PIK3C2G: variants seen among roughly 807,000 people sequenced by gnomAD.
The protein encoded by PIK3C2G is phosphatidylinositol-4-phosphate 3-kinase catalytic subunit type 2 gamma.
A neutral mutation model predicts 181.1 loss-of-function variants in PIK3C2G; 168 were observed. The observed-to-expected ratio is 0.93, with a 90% CI of 0.82 to 1.05. The LOEUF (loss-of-function observed/expected upper bound fraction) is 1.05. PIK3C2G is among the 50% of genes least tolerant of loss of function. PIK3C2G has a pLI of 0.00. For synonymous variants in PIK3C2G, 573 were observed against 592.2 expected (o/e 0.97, Z 0.47); for missense variants, 1,869 against 1,732.8 (o/e 1.08, Z -1.40).
In PIK3C2G at chr12:18,538,249, T is replaced by TTGCTGTCG. The variant is rs748050586; in HGVS notation, c.3422_3429dup (p.Tyr1144ValfsTer15). On this transcript the variant is annotated frameshift_variant, in exon 25 of 33. Transcript: ENST00000538779. LOFTEE classifies it high-confidence loss of function. ...AGCATTTTCAAGATTTTGTGGAACT[T>TTGCTGTCG]TGCTGTCGTGCTTATAATATTATCA... 152 of 1,612,460 alleles carry TTGCTGTCG rather than the reference T, an allele frequency of 9.4e-5. No homozygotes were observed. The East Asian group carries it at 3.2e-3, about 34-fold the overall frequency.
At chr12:18,276,586 T>C (rs1377396039) in intron 1 of PIK3C2G, among the ~76,000 whole-genome samples, 1 of 152,212 alleles carries the variant, frequency 6.6e-6, no homozygotes, top group Non-Finnish European at 1.5e-5. Flanking sequence ...CAAAATAAGC[T>C]TAATAATATT....
the PIK3C2G span, chr12:18,723,462 T>A: frequency 1.2e-6 from 2 of 1,612,972 alleles, no homozygotes; most frequent in Admixed American, 1.7e-5. Flanking sequence ...TCTCAATAAT[T>A]TCTTCTCTGT....
chr12:18,620,810 T>C (rs532426729), intron 31 of PIK3C2G, among the ~76,000 whole-genome samples: 28 of 152,262 alleles, frequency 1.8e-4, no homozygotes, highest in African/African-American at 6.0e-4. Flanking sequence ...CTCTTAATCC[T>C]GGTTATTTAA....
rs375058704 is a variant in PIK3C2G at position 18,500,081 on chromosome 12, T to C, written c.3016+2333T>C. Among the ~76,000 whole-genome samples the C allele has an allele frequency of 6.6e-5, 10 of 152,318 alleles. No homozygotes were observed. The East Asian group carries it at 1.6e-3, about 24-fold the overall frequency. ...AGCCCTTCAGCCGGCCGCTGCTGTG[T>C]GGGAGCCCCTTTCTGGGCTGGCCAA... On this transcript the variant is annotated intron_variant, in intron 22 of 32. Transcript: ENST00000538779.
At chr12:18,280,999 T>C (rs1037009290) in intron 1 of PIK3C2G, among the ~76,000 whole-genome samples, 2 of 151,872 alleles carry the variant, frequency 1.3e-5, no homozygotes, top group African/African-American at 2.4e-5. Context: ...GCGTGAATAA[T>C]TGGGTCATTT....
intron 18 of PIK3C2G, chr12:18,424,771 T>C (rs1945696603): frequency 4.8e-6 from 1 of 209,306 alleles, no homozygotes; most frequent in African/African-American, 2.3e-5. Context: ...AGGACCTGGA[T>C]TAGCTTGTGA....
In PIK3C2G at chr12:18,381,977, C is replaced by A. The variant is rs924472644; in HGVS notation, c.1995+97C>A. ...AGAAACAATTTCTTCCAGGATCACA[C>A]ATTTTAATAGCCTTCTCTGCCTCCA... On this transcript the variant is annotated intron_variant, in intron 14 of 32. Coordinates refer to ENST00000538779, the MANE Select transcript of PIK3C2G (RefSeq NM_001288772.2). The A allele has an allele frequency of 7.8e-6, 6 of 773,338 alleles. No individual in the cohort carries two copies. In the African/African-American group the frequency reaches 8.5e-5, roughly 11 times the overall value. The allele number at this position is 773,338 out of a possible 1,614,324, so 47.9% of individuals were successfully genotyped here.
chr12:18,633,593 G>T (rs1949454232), intron 31 of PIK3C2G, among the ~76,000 whole-genome samples: 2 of 152,152 alleles, frequency 1.3e-5, no homozygotes, highest in South Asian at 4.1e-4. Context: ...GCAGGGCATG[G>T]TAATACTAAG....
intron 18 of PIK3C2G, among the ~76,000 whole-genome samples, chr12:18,466,013 G>A (rs904083611): frequency 2.7e-5 from 4 of 150,258 alleles, no homozygotes; most frequent in African/African-American, 9.8e-5. Flanking sequence ...TTTTATTCCT[G>A]TTCTCTCCTC....
At chr12:18,418,680 T>G (rs1377518224) in intron 16 of PIK3C2G, among the ~76,000 whole-genome samples, 1 of 151,820 alleles carries the variant, frequency 6.6e-6, no homozygotes, top group Non-Finnish European at 1.5e-5. Context: ...GATAGAAAAA[T>G]CAACAGAACT....
chr12:18,261,933 T>A (rs893750084), intron 1 of PIK3C2G, among the ~76,000 whole-genome samples: 1 of 152,132 alleles, frequency 6.6e-6, no homozygotes, highest in African/African-American at 2.4e-5. Flanking sequence ...TTCATTCATG[T>A]CTACTGGTAG....
chr12:18,632,763 C>T (rs188955701), intron 31 of PIK3C2G, among the ~76,000 whole-genome samples: 1 of 152,278 alleles, frequency 6.6e-6, no homozygotes, highest in Admixed American at 6.5e-5. Context: ...CTTTTTCTCA[C>T]TTTTTTATTC....
chr12:18,679,279 G>A, the PIK3C2G span, among the ~76,000 whole-genome samples: 1 of 151,906 alleles, frequency 6.6e-6, no homozygotes. Flanking sequence ...TCAAAAGGCA[G>A]AAGTTCTTTT....
intron 5 of PIK3C2G, among the ~76,000 whole-genome samples, chr12:18,310,181 T>TTTGAC (rs1950581676): frequency 6.6e-6 from 1 of 151,890 alleles, no homozygotes; most frequent in African/African-American, 2.4e-5. Flanking sequence ...CAAGTTTTTC[T>TTTGAC]TTGACTCTAA....
chr12:18,547,434 A>G (rs1207534784), intron 26 of PIK3C2G, among the ~76,000 whole-genome samples: 2 of 151,992 alleles, frequency 1.3e-5, no homozygotes, highest in Non-Finnish European at 2.9e-5. Context: ...TGACAGAATC[A>G]CAAAATATTA....
chr12:18,700,817 C>T, the PIK3C2G span, among the ~76,000 whole-genome samples: 1 of 152,212 alleles, frequency 6.6e-6, no homozygotes, highest in Non-Finnish European at 1.5e-5. Context: ...AATATACTTT[C>T]TTTCATCATG....
In PIK3C2G at chr12:18,546,897, G is replaced by C. The variant is rs895206891; in HGVS notation, c.3590+465G>C. ...TATTAAACAAGTCCAGCAAAACACT[G>C]ATGTATATCAAGGTAAGAATCTGGG... On this transcript the variant is annotated intron_variant, in intron 26 of 32. Coordinates refer to ENST00000538779, the MANE Select transcript of PIK3C2G (RefSeq NM_001288772.2). Among the ~76,000 whole-genome samples the C allele has an allele frequency of 3.3e-5, 5 of 151,984 alleles. No homozygotes were observed. The East Asian group carries it at 9.7e-4, about 30-fold the overall frequency.
At chr12:18,527,463 C>T (rs1022980693) in intron 24 of PIK3C2G, among the ~76,000 whole-genome samples, 3 of 152,136 alleles carry the variant, frequency 2.0e-5, no homozygotes, top group African/African-American at 4.8e-5. Flanking sequence ...AATGTTTTTA[C>T]AGCTAACTTA....
the PIK3C2G span, among the ~76,000 whole-genome samples, chr12:18,661,976 A>G: frequency 6.6e-6 from 1 of 152,158 alleles, no homozygotes; most frequent in Non-Finnish European, 1.5e-5. Context: ...AGAAACATGA[A>G]TGGAGCTGGG....
Sources: allele counts gnomAD v4.1 joint callset (sites outside exome capture counted in the v4.1 genomes callset), GRCh38; gene constraint gnomAD v4.1.1; transcripts MANE v1.5; gene names NCBI Gene and HGNC (gene_info 2026-07-23, HGNC 2026-07-21).